Variants in ATP9B observed in about 807,000 individuals in gnomAD.
ATP9B encodes the protein ATPase phospholipid transporting 9B, also known as probable phospholipid-transporting ATPase IIB.
In ATP9B, 110 loss-of-function variants were observed where a neutral mutation model predicts 146.1. The observed-to-expected ratio is 0.75, with a 90% CI of 0.65 to 0.88. ATP9B has a LOEUF of 0.88. Among genes scored for constraint, ATP9B ranks in the 40% least tolerant of loss-of-function variants. The pLI, the probability that ATP9B is intolerant of heterozygous loss-of-function variation, is 0.00. For synonymous variants in ATP9B, 604 were observed against 569.7 expected, an observed-to-expected ratio of 1.06 and a Z score of -0.86; for missense variants, 1,499 against 1,496.4, an observed-to-expected ratio of 1.00 and a Z score of -0.03.
intron 8 of ATP9B, among the ~76,000 whole-genome samples, chr18:79,186,939 C>T (rs1023322711): frequency 1.3e-5 from 2 of 152,124 alleles, no homozygotes; most frequent in Admixed American, 6.5e-5. Context: ...TATCTTTTTG[C>T]CTGTGTGTTC....
intron 4 of ATP9B, among the ~76,000 whole-genome samples, chr18:79,125,984 A>G (rs1025103171): frequency 6.6e-6 from 1 of 152,100 alleles, no homozygotes; most frequent in Admixed American, 6.6e-5. Flanking sequence ...GAAGATTGTT[A>G]ATTTCTTTTT....
chr18:79,168,135 A>G (rs1401473785), intron 7 of ATP9B, among the ~76,000 whole-genome samples: 3 of 152,316 alleles, frequency 2.0e-5, no homozygotes, highest in East Asian at 3.9e-4. Context: ...CAGAGGCGCC[A>G]CTGCTGCCAT....
intron 26 of ATP9B, among the ~76,000 whole-genome samples, chr18:79,366,282 G>A (rs752883706): frequency 9.2e-5 from 14 of 152,194 alleles, no homozygotes; most frequent in South Asian, 6.2e-4. Context: ...CTCAGAGCCC[G>A]CTGGACGGCA....
intron 1 of ATP9B, among the ~76,000 whole-genome samples, chr18:79,072,921 C>T (rs1315679475): frequency 6.6e-6 from 1 of 151,722 alleles, no homozygotes; most frequent in Non-Finnish European, 1.5e-5. Flanking sequence ...GACAGGGCGG[C>T]CGGGCAGAGG....
intron 6 of ATP9B, chr18:79,145,426 C>G (rs12956219): frequency 1.3e-4 from 12 of 89,660 alleles, no homozygotes; most frequent in Admixed American, 2.9e-4. Context: ...TGGCGGTGTG[C>G]AGAGTGACTG....
At chr18:79,168,633 A>C (rs1391347873) in intron 7 of ATP9B, among the ~76,000 whole-genome samples, 1 of 152,214 alleles carries the variant, frequency 6.6e-6, no homozygotes, top group Non-Finnish European at 1.5e-5. Flanking sequence ...CTGGCACTTC[A>C]TAAGTAGATG....
chr18:79,284,786 A>C (rs532149243), intron 13 of ATP9B, among the ~76,000 whole-genome samples: 1 of 128,000 alleles, frequency 7.8e-6, no homozygotes, highest in Non-Finnish European at 1.6e-5. Flanking sequence ...CCACCCCACA[A>C]CAGTCCCCAG....
Position 79,245,099 on chromosome 18 carries a change from C to T in ATP9B, c.1108-8282C>T, listed in dbSNP as rs1312078249. On this transcript the variant is annotated intron_variant, in intron 11 of 29. Transcript: ENST00000426216. ...CCCCCCACTGTCAGGATCTGCTCTT[C>T]TTGGAGTTCCTGCAGAGCTTGCTGG... Among the ~76,000 whole-genome samples the T allele has an allele frequency of 3.3e-5, 5 of 152,156 alleles. No homozygotes were observed. In the East Asian group the frequency reaches 5.8e-4, roughly 18 times the overall value.
At chr18:79,198,857 CACT>C (rs1384088850) in intron 9 of ATP9B, among the ~76,000 whole-genome samples, 1 of 152,168 alleles carries the variant, frequency 6.6e-6, no homozygotes, top group Non-Finnish European at 1.5e-5. Context: ...CATGACTGCA[CACT>C]ACTGTAAACT....
chr18:79,114,182 A>G (rs1301650867), intron 4 of ATP9B, among the ~76,000 whole-genome samples: 1 of 151,820 alleles, frequency 6.6e-6, no homozygotes, highest in Non-Finnish European at 1.5e-5. Context: ...CTGGTCTCGA[A>G]CTCCTCACCT....
chr18:79,334,809 C>A (rs1156748667), intron 17 of ATP9B, among the ~76,000 whole-genome samples: 3 of 151,022 alleles, frequency 2.0e-5, no homozygotes, highest in Admixed American at 6.6e-5. Context: ...GGATAGGAGA[C>A]CCACCGGTGC....
chr18:79,300,398 C>G (rs2096582740), intron 13 of ATP9B, among the ~76,000 whole-genome samples: 1 of 152,146 alleles, frequency 6.6e-6, no homozygotes, highest in African/African-American at 2.4e-5. Flanking sequence ...AGTGGGAGGT[C>G]TTTCCCTTCT....
intron 7 of ATP9B, among the ~76,000 whole-genome samples, chr18:79,156,971 A>G (rs1296641122): frequency 6.6e-6 from 1 of 152,150 alleles, no homozygotes; most frequent in African/African-American, 2.4e-5. Flanking sequence ...AGAGGCCAGA[A>G]TACATAACCT....
intron 7 of ATP9B, among the ~76,000 whole-genome samples, chr18:79,155,832 C>G (rs920670633): frequency 7.6e-5 from 11 of 144,990 alleles, no homozygotes; most frequent in South Asian, 2.2e-4. Context: ...GTGCGATCTC[C>G]GCTCACTGCA....
At chr18:79,142,348 T>C (rs1418191004) in intron 5 of ATP9B, among the ~76,000 whole-genome samples, 2 of 152,344 alleles carry the variant, frequency 1.3e-5, no homozygotes, top group Non-Finnish European at 2.9e-5. Context: ...CTATTCAAAA[T>C]GTTTTAAAGT....
intron 7 of ATP9B, among the ~76,000 whole-genome samples, chr18:79,166,790 C>G (rs2147816175): frequency 6.6e-6 from 1 of 152,320 alleles, no homozygotes; most frequent in South Asian, 2.1e-4. Flanking sequence ...TTTGCTTAGG[C>G]CTGCTGGGCT....
chr18:79,149,771 A>C (rs2094653335), intron 6 of ATP9B, among the ~76,000 whole-genome samples: 1 of 152,176 alleles, frequency 6.6e-6, no homozygotes, highest in African/African-American at 2.4e-5. Flanking sequence ...ACATTTTGAC[A>C]AAGATTTACA....
chr18:79,322,872 G>A (rs886229803), intron 15 of ATP9B, among the ~76,000 whole-genome samples: 6 of 152,214 alleles, frequency 3.9e-5, no homozygotes, highest in Non-Finnish European at 8.8e-5. Flanking sequence ...TGGTACTTCA[G>A]ACAGAGTCAG....
rs1048022610 is a variant in ATP9B at position 79,231,768 on chromosome 18, G to A, written c.1107+17730G>A. Among the ~76,000 whole-genome samples the A allele has an allele frequency of 9.2e-5, 11 of 120,012 alleles. No individual in the cohort carries two copies. The South Asian group carries it at 2.6e-3, about 29-fold the overall frequency. 78.7% of individuals were successfully genotyped at this position (120,012 alleles called of 152,430 possible). A position where few individuals can be genotyped will look rare whatever the true frequency, so the allele number is the denominator to read the frequency against. On this transcript the variant is annotated intron_variant, in intron 11 of 29. Coordinates refer to ENST00000426216, the MANE Select transcript of ATP9B (RefSeq NM_198531.5). ...CAATCAACGAGTAGATAAAGAAAAT[G>A]TGTGTGTGTGTATATATATATATAT...
Sources: gnomAD v4.1 joint callset for allele counts (sites outside exome capture counted in the v4.1 genomes callset) on GRCh38, gnomAD v4.1.1 for gene constraint, MANE v1.5 for transcripts, NCBI Gene and HGNC (gene_info 2026-07-23, HGNC 2026-07-21) for gene names.